LPP: variants seen among roughly 807,000 people sequenced by gnomAD.
The protein encoded by LPP is LIM domain containing preferred translocation partner in lipoma.
A neutral mutation model predicts 60.4 loss-of-function variants in LPP; 38 were observed. The ratio of observed to expected loss-of-function variants is 0.63; its 90% CI spans 0.49 to 0.83. The LOEUF is 0.83. Ranked by LOEUF, LPP falls within the 40% of genes least tolerant of loss-of-function variation. LPP has a pLI of 0.00. For synonymous variants in LPP, 328 were observed against 290.8 expected, an observed-to-expected ratio of 1.13 and a Z score of -1.30; for missense variants, 902 against 783.6, an observed-to-expected ratio of 1.15 and a Z score of -1.80.
At position 188,751,841 on chromosome 3, in the gene LPP, A is replaced by G. The variant is rs115657950; in HGVS notation, c.1241-8272A>G. ...GGTCCATAAAAAGCGCTGAATAAAT[A>G]TTGACTATTATCATCACCCCGGGGT... On this transcript the variant is annotated intron_variant, in intron 8 of 11. Transcript: ENST00000617246. Among the ~76,000 whole-genome samples, 1,058 of 152,316 alleles carry G rather than the reference A, an allele frequency of 6.9e-3. 14 individuals carry two copies. The highest frequency in any genetic ancestry group is 0.024 in the African/African-American group (1,003 of 41,564).
chr3:188,746,466 A>C (rs1467852628), intron 8 of LPP: 1 of 481,978 alleles, frequency 2.1e-6, no homozygotes, highest in Admixed American at 2.3e-5. Context: ...TGTTGTAACT[A>C]TCTCTTCTTT....
intron 5 of LPP, among the ~76,000 whole-genome samples, chr3:188,517,579 G>A (rs1817709783): frequency 6.6e-6 from 1 of 152,160 alleles, no homozygotes; most frequent in South Asian, 2.1e-4. Context: ...AATCTGGGAA[G>A]AAAAAGAGGT....
chr3:188,812,522 G>C (rs966393705), intron 9 of LPP, among the ~76,000 whole-genome samples: 1 of 152,122 alleles, frequency 6.6e-6, no homozygotes, highest in Non-Finnish European at 1.5e-5. Context: ...AATTCAGTTT[G>C]TTTCTTTAGC....
chr3:188,300,120 T>C (rs1749272017), intron 2 of LPP, among the ~76,000 whole-genome samples: 1 of 152,146 alleles, frequency 6.6e-6, no homozygotes, highest in African/African-American at 2.4e-5. Context: ...CCCTAATGAG[T>C]CCATCATCCA....
rs531964515 is a variant in LPP, at chr3:188,614,019, C to G, written c.1113+4175C>G. ...CTCGGCTCACTGCAACCTCCACCTC[C>G]CGGGTTCAAGTGATTCTCCTGCCTC... On this transcript the variant is annotated intron_variant, in intron 7 of 11. Coordinates refer to ENST00000617246, the MANE Select transcript of LPP (RefSeq NM_001375462.1). Among the ~76,000 whole-genome samples the G allele has an allele frequency of 2.0e-5, 3 of 151,820 alleles. No homozygotes were observed. The East Asian group carries it at 5.8e-4, about 29-fold the overall frequency.
chr3:188,849,545 G>A (rs745398736), intron 9 of LPP, among the ~76,000 whole-genome samples: 3 of 151,926 alleles, frequency 2.0e-5, no homozygotes, highest in Non-Finnish European at 2.9e-5. Flanking sequence ...ATGTCCATAC[G>A]GGATGCAGTG....
In LPP at chr3:188,444,338, A is replaced by G. The variant is rs184159603; in HGVS notation, c.193+38025A>G. ...ATAAAAGTAAATTTTGAGAAATTAT[A>G]AGTATAAACCAAAAAGTCTTATACC... On this transcript the variant is annotated intron_variant, in intron 4 of 11. Transcript: ENST00000617246. 7.3e-3 allele frequency among the ~76,000 whole-genome samples: 1,082 copies of G among 148,680 alleles called. 18 individuals carry two copies. The highest frequency in any genetic ancestry group is 0.026 in the African/African-American group (1,028 of 40,036).
intron 4 of LPP, among the ~76,000 whole-genome samples, chr3:188,415,699 T>C (rs1386025547): frequency 6.7e-6 from 1 of 148,294 alleles, no homozygotes; most frequent in Non-Finnish European, 1.5e-5. Context: ...ACATGTATTA[T>C]ATGATTTCAT....
chr3:188,467,634 C>T (rs903976836), intron 4 of LPP, among the ~76,000 whole-genome samples: 3 of 152,020 alleles, frequency 2.0e-5, no homozygotes, highest in Admixed American at 1.3e-4. Context: ...TAAGGATGGG[C>T]CCAACGCTAT....
chr3:188,605,331 G>A (rs1435502154), intron 6 of LPP, among the ~76,000 whole-genome samples: 2 of 152,170 alleles, frequency 1.3e-5, no homozygotes, highest in Non-Finnish European at 2.9e-5. Flanking sequence ...GAGAGTAGGA[G>A]CAACAGGATT....
At chr3:188,364,125 T>C (rs1260487616) in intron 3 of LPP, among the ~76,000 whole-genome samples, 1 of 152,180 alleles carries the variant, frequency 6.6e-6, no homozygotes, top group Non-Finnish European at 1.5e-5. Flanking sequence ...ACCTCAAGGA[T>C]TACTTTGGGG....
chr3:188,526,476 A>G (rs1442011952), intron 6 of LPP, among the ~76,000 whole-genome samples: 1 of 152,034 alleles, frequency 6.6e-6, no homozygotes, highest in African/African-American at 2.4e-5. Context: ...ATTTTAGTAG[A>G]GATGGAGTTT....
At chr3:188,551,562 T>C (rs1828127468) in intron 6 of LPP, among the ~76,000 whole-genome samples, 1 of 152,202 alleles carries the variant, frequency 6.6e-6, no homozygotes, top group Non-Finnish European at 1.5e-5. Context: ...ATCTGTAAAA[T>C]ATGGACCTTC....
intron 8 of LPP, among the ~76,000 whole-genome samples, chr3:188,720,130 C>T (rs200268076): frequency 6.6e-6 from 1 of 152,188 alleles, no homozygotes; most frequent in Admixed American, 6.5e-5. Flanking sequence ...TCAGGCTGAT[C>T]TTGAACTCCT....
intron 9 of LPP, among the ~76,000 whole-genome samples, chr3:188,824,838 C>T (rs964579844): frequency 5.3e-5 from 8 of 152,022 alleles, no homozygotes; most frequent in African/African-American, 7.2e-5. Context: ...ATCTCACAGC[C>T]GCCTTCATAA....
chr3:188,636,221 G>T (rs1039665559), intron 7 of LPP, among the ~76,000 whole-genome samples: 1 of 152,222 alleles, frequency 6.6e-6, no homozygotes, highest in African/African-American at 2.4e-5. Context: ...AGCCGAAGCA[G>T]GGCGAGGCAT....
At chr3:188,245,633 T>C (rs1726656040) in intron 2 of LPP, among the ~76,000 whole-genome samples, 1 of 151,500 alleles carries the variant, frequency 6.6e-6, no homozygotes, top group South Asian at 2.1e-4. Context: ...GAAGGCATGC[T>C]TCCCTCTTTT....
intron 2 of LPP, among the ~76,000 whole-genome samples, chr3:188,275,115 G>T (rs1739194828): frequency 6.6e-6 from 1 of 152,134 alleles, no homozygotes; most frequent in African/African-American, 2.4e-5. Context: ...GTGGAAACTG[G>T]CACCTTTTCC....
Position 188,572,322 on chromosome 3 carries a change from GT to G in LPP, c.430-36836del, listed in dbSNP as rs1381337122. Among the ~76,000 whole-genome samples the G allele has an allele frequency of 6.6e-6, 1 of 151,922 alleles. No homozygotes were observed. The highest frequency in any genetic ancestry group is 1.5e-5 in the Non-Finnish European group (1 of 67,960). On this transcript the variant is annotated intron_variant, in intron 6 of 11. Coordinates refer to ENST00000617246, the MANE Select transcript of LPP (RefSeq NM_001375462.1). The surrounding 1 kb of genome is among the most constrained non-coding windows in gnomAD (Gnocchi z 4.1). ...TATAATTTAAATGGTAGTAATTTTT[GT>G]TTCCGGTTTTGTAATAGCTAATGGT... is the stretch of plus-strand genomic sequence containing the variant.
Sources: gnomAD v4.1 joint callset for allele counts (sites outside exome capture counted in the v4.1 genomes callset) on GRCh38, gnomAD v4.1.1 for gene constraint, Gnocchi (gnomAD v3.1) non-coding constraint, MANE v1.5 for transcripts, NCBI Gene and HGNC (gene_info 2026-07-23, HGNC 2026-07-21) for gene names.